The following JARID2 variants were observed in gnomAD, a reference collection of about 807,000 sequenced individuals.
JARID2 encodes the protein jumonji and AT-rich interaction domain containing 2, also known as protein Jumonji.
Under a neutral mutation model 125.6 loss-of-function variants are expected in JARID2, and 21 were observed. That is an observed-to-expected ratio of 0.17 (90% CI 0.12 to 0.24). The LOEUF is 0.24. JARID2 is among the 10% of genes least tolerant of loss of function. JARID2 has a pLI of 1.00. For missense variants in JARID2, 1,303 were observed against 1,639.6 expected (o/e 0.79, Z 3.55); for synonymous variants, 736 against 661.6 (o/e 1.11, Z -1.73).
At chr6:15,389,565 G>T (rs932489510) in intron 2 of JARID2, among the ~76,000 whole-genome samples, 1 of 152,222 alleles carries the variant, frequency 6.6e-6, no homozygotes, top group Non-Finnish European at 1.5e-5. Flanking sequence ...AGATGACTTT[G>T]TTCCTAGTGT....
intron 3 of JARID2, among the ~76,000 whole-genome samples, chr6:15,447,503 G>A (rs933557957): frequency 6.6e-6 from 1 of 152,202 alleles, no homozygotes; most frequent in African/African-American, 2.4e-5. Context: ...TACATGCAAG[G>A]CCCAAGGCTT....
intron 17 of JARID2, among the ~76,000 whole-genome samples, chr6:15,517,619 C>T (rs1771627159): frequency 6.6e-6 from 1 of 152,208 alleles, no homozygotes; most frequent in African/African-American, 2.4e-5. Flanking sequence ...TGGCAGTGGC[C>T]TCTCCAATCT....
intron 2 of JARID2, among the ~76,000 whole-genome samples, chr6:15,400,163 T>C (rs1283472297): frequency 2.0e-5 from 3 of 151,994 alleles, no homozygotes; most frequent in Non-Finnish European, 4.4e-5. Context: ...TAGATCAATT[T>C]ATGTGCCTCG....
chr6:15,354,720 G>A (rs1380805030), intron 1 of JARID2, among the ~76,000 whole-genome samples: 2 of 152,174 alleles, frequency 1.3e-5, no homozygotes, highest in African/African-American at 4.8e-5. Flanking sequence ...CTACTTAGCT[G>A]GGTTAGGCCA....
intron 1 of JARID2, among the ~76,000 whole-genome samples, chr6:15,306,184 T>A (rs556488374): frequency 1.3e-5 from 2 of 152,264 alleles, no homozygotes; most frequent in African/African-American, 4.8e-5. Context: ...GCGTCACAGT[T>A]AGGTTGTTAA....
chr6:15,457,325 G>A (rs1768231766), intron 4 of JARID2, among the ~76,000 whole-genome samples: 1 of 152,108 alleles, frequency 6.6e-6, no homozygotes, highest in South Asian at 2.1e-4. Flanking sequence ...TGACAGTTGG[G>A]AATGCGATTA....
intron 1 of JARID2, among the ~76,000 whole-genome samples, chr6:15,336,708 T>A (rs1169063715): frequency 2.0e-5 from 3 of 152,010 alleles, no homozygotes; most frequent in African/African-American, 7.3e-5. Flanking sequence ...TTTCATGTTA[T>A]TTTTACATTT....
At chr6:15,483,020 C>G (rs2127709651) in intron 5 of JARID2, among the ~76,000 whole-genome samples, 1 of 152,310 alleles carries the variant, frequency 6.6e-6, no homozygotes, top group African/African-American at 2.4e-5. Context: ...TGCCTGAAAG[C>G]ATGAATTCTG....
At chr6:15,411,955 T>C (rs528605219) in intron 3 of JARID2, among the ~76,000 whole-genome samples, 55 of 152,320 alleles carry the variant, frequency 3.6e-4, no homozygotes, top group African/African-American at 1.3e-3. Flanking sequence ...CAGAAGATAG[T>C]GTTGCTAGCT....
intron 5 of JARID2, among the ~76,000 whole-genome samples, chr6:15,470,980 T>C (rs1769049640): frequency 6.6e-6 from 1 of 152,172 alleles, no homozygotes. Context: ...AGGAAATGCG[T>C]CAAGTTCTGA....
chr6:15,464,223 G>C (rs1323974379), intron 4 of JARID2, among the ~76,000 whole-genome samples: 1 of 152,138 alleles, frequency 6.6e-6, no homozygotes, highest in Non-Finnish European at 1.5e-5. Context: ...CTCTGGGTCT[G>C]GAATGCCAGT....
intron 7 of JARID2, among the ~76,000 whole-genome samples, chr6:15,500,567 A>G (rs1458534392): frequency 2.0e-5 from 3 of 152,174 alleles, no homozygotes; most frequent in African/African-American, 7.2e-5. Flanking sequence ...CACATGTACC[A>G]GTACATGGTA....
intron 4 of JARID2, 82 bp downstream of exon 4, chr6:15,452,257 A>C: frequency 6.6e-7 from 1 of 1,524,040 alleles, no homozygotes. Flanking sequence ...CCTTAGCTTT[A>C]CTCTCTGCCA....
At chr6:15,486,805 A>ATTTTTTTTTTTT (rs766075740) in intron 5 of JARID2, among the ~76,000 whole-genome samples, 2 of 40,640 alleles carry the variant, frequency 4.9e-5, no homozygotes, top group African/African-American at 3.8e-4. Flanking sequence ...CTGAGAATAG[A>ATTTTTTTTTTTT]CTTTTTTTTT....
At chr6:15,519,578 C>G (rs1771732213) in intron 17 of JARID2, among the ~76,000 whole-genome samples, 1 of 152,174 alleles carries the variant, frequency 6.6e-6, no homozygotes, top group South Asian at 2.1e-4. Context: ...AAGTTACAAA[C>G]ACAGTTTTTG....
intron 16 of JARID2, among the ~76,000 whole-genome samples, chr6:15,513,983 C>T (rs1395305983): frequency 6.6e-6 from 1 of 152,262 alleles, no homozygotes; most frequent in African/African-American, 2.4e-5. Context: ...AGATGCTTTT[C>T]TGGCACAGCC....
chr6:15,420,565 GATTA>G (rs1328886128), intron 3 of JARID2, among the ~76,000 whole-genome samples: 6 of 152,160 alleles, frequency 3.9e-5, no homozygotes, highest in African/African-American at 9.7e-5. Flanking sequence ...AGTTTTGATT[GATTA>G]ATCTTCCTCC....
intron 1 of JARID2, among the ~76,000 whole-genome samples, chr6:15,347,903 C>T (rs1763294706): frequency 6.6e-6 from 1 of 152,072 alleles, no homozygotes; most frequent in African/African-American, 2.4e-5. Context: ...AGGTGCATGC[C>T]ACCATGCCCA....
chr6:15,254,202 G>T (rs1181872160), intron 1 of JARID2, among the ~76,000 whole-genome samples: 3 of 152,164 alleles, frequency 2.0e-5, no homozygotes, highest in Non-Finnish European at 4.4e-5. Flanking sequence ...CTGACATCCC[G>T]TGTCCCTTGG....
Sources: gnomAD v4.1 joint callset for allele counts (sites outside exome capture counted in the v4.1 genomes callset) on GRCh38, gnomAD v4.1.1 for gene constraint, MANE v1.5 for transcripts, NCBI Gene and HGNC (gene_info 2026-07-23, HGNC 2026-07-21) for gene names.